GPC6: variants seen among roughly 807,000 people sequenced by gnomAD.
GPC6 encodes glypican 6.
A neutral mutation model predicts 55.2 loss-of-function variants in GPC6; 14 were observed. That is an observed-to-expected ratio of 0.25 (90% confidence interval 0.17 to 0.40). GPC6 has a LOEUF of 0.40. Ranked by LOEUF, GPC6 falls within the 10% of genes least tolerant of loss-of-function variation. The pLI is 1.00. For synonymous variants in GPC6, 278 were observed against 259.6 expected, an observed-to-expected ratio of 1.07 and a Z score of -0.68; for missense variants, 641 against 708.5, an observed-to-expected ratio of 0.90 and a Z score of 1.08.
At chr13:93,860,197 T>C (rs1007229533) in intron 3 of GPC6, among the ~76,000 whole-genome samples, 3 of 151,632 alleles carry the variant, frequency 2.0e-5, no homozygotes, top group Non-Finnish European at 4.4e-5. Flanking sequence ...AAAATTCACC[T>C]CTTTGTCTTA....
chr13:93,349,193 G>A (rs1880535143), intron 1 of GPC6, among the ~76,000 whole-genome samples: 1 of 152,092 alleles, frequency 6.6e-6, no homozygotes, highest in Non-Finnish European at 1.5e-5. Context: ...CATTTGACAA[G>A]TTCTTTGAAT....
intron 1 of GPC6, among the ~76,000 whole-genome samples, chr13:93,248,369 G>C (rs1250346025): frequency 6.8e-6 from 1 of 147,368 alleles, no homozygotes; most frequent in East Asian, 2.0e-4. Flanking sequence ...ATTTTCAAAA[G>C]TATGATCTTA....
At chr13:94,203,116 A>C (rs1889804664) in intron 4 of GPC6, among the ~76,000 whole-genome samples, 1 of 149,902 alleles carries the variant, frequency 6.7e-6, no homozygotes, top group Non-Finnish European at 1.5e-5. Context: ...TTATTATTTC[A>C]CTTATAGTGA....
At chr13:93,343,604 G>T (rs1039971930) in intron 1 of GPC6, among the ~76,000 whole-genome samples, 4 of 152,212 alleles carry the variant, frequency 2.6e-5, no homozygotes, top group East Asian at 1.9e-4. Context: ...ATTACTCAAA[G>T]ATTCCTTTTC....
At position 94,361,635 on chromosome 13, in the gene GPC6, C is replaced by A. The variant is rs143867929; in HGVS notation, c.1153-20779C>A. ...TGAGCTTATAAAGTCCTTTTGTGGA[C>A]AGGCCTTTGGCCAATAACAAGAATC... On this transcript the variant is annotated intron_variant, in intron 6 of 8. Coordinates refer to ENST00000377047, the MANE Select transcript of GPC6 (RefSeq NM_005708.5). 2.3e-3 allele frequency among the ~76,000 whole-genome samples: 357 copies of A among 152,352 alleles called. 4 individuals are homozygous for A. The highest frequency in any genetic ancestry group is 8.1e-3 in the African/African-American group (335 of 41,584).
intron 1 of GPC6, among the ~76,000 whole-genome samples, chr13:93,504,153 A>G (rs1880620207): frequency 6.6e-6 from 1 of 152,136 alleles, no homozygotes; most frequent in Non-Finnish European, 1.5e-5. Context: ...CAACTGAAAA[A>G]CATAACACCT....
intron 4 of GPC6, among the ~76,000 whole-genome samples, chr13:94,239,910 G>A (rs1282199823): frequency 2.0e-5 from 3 of 152,064 alleles, no homozygotes; most frequent in African/African-American, 7.2e-5. Flanking sequence ...TTGTGCAAAG[G>A]AGACTCCTGG....
intron 1 of GPC6, among the ~76,000 whole-genome samples, chr13:93,464,295 T>A (rs1878820371): frequency 6.6e-6 from 1 of 152,216 alleles, no homozygotes; most frequent in Admixed American, 6.5e-5. Flanking sequence ...ATTGATTGGC[T>A]CTTTCTTTGG....
intron 1 of GPC6, among the ~76,000 whole-genome samples, chr13:93,445,539 T>C (rs549122989): frequency 2.6e-4 from 39 of 152,358 alleles, no homozygotes; most frequent in Admixed American, 2.1e-3. Flanking sequence ...AAATGGAGTC[T>C]GTCAACTCTT....
At chr13:93,803,752 TAAAAAA>T (rs923935366) in intron 2 of GPC6, among the ~76,000 whole-genome samples, 1 of 152,140 alleles carries the variant, frequency 6.6e-6, no homozygotes. Context: ...TATTTAGTCA[TAAAAAA>T]GTGAAATACT....
chr13:93,430,862 T>C (rs1877330263), intron 1 of GPC6, among the ~76,000 whole-genome samples: 1 of 152,124 alleles, frequency 6.6e-6, no homozygotes, highest in Non-Finnish European at 1.5e-5. Flanking sequence ...TGAAATGATA[T>C]TGACAGGAAG....
intron 4 of GPC6, among the ~76,000 whole-genome samples, chr13:94,228,945 C>T (rs536237316): frequency 2.0e-5 from 3 of 152,248 alleles, no homozygotes; most frequent in African/African-American, 7.2e-5. Flanking sequence ...AGGAGTGTTT[C>T]AAGAATTGTT....
intron 2 of GPC6, among the ~76,000 whole-genome samples, chr13:93,592,357 T>TAA (rs1422620623): frequency 1.3e-4 from 9 of 69,880 alleles, no homozygotes; most frequent in Admixed American, 3.4e-4. Context: ...GCTATATATG[T>TAA]AAAATATATA....
At chr13:93,691,426 GTATT>G (rs1167599475) in intron 2 of GPC6, among the ~76,000 whole-genome samples, 1 of 148,950 alleles carries the variant, frequency 6.7e-6, no homozygotes, top group Non-Finnish European at 1.5e-5. Context: ...AAACTCCTCT[GTATT>G]TATGAAAGGA....
chr13:93,441,167 G>A (rs1877783672), intron 1 of GPC6, among the ~76,000 whole-genome samples: 1 of 152,150 alleles, frequency 6.6e-6, no homozygotes, highest in African/African-American at 2.4e-5. Context: ...GTGTGCATGT[G>A]TCTTTATAGC....
chr13:93,614,157 C>T (rs146509929), intron 2 of GPC6, among the ~76,000 whole-genome samples: 1 of 152,160 alleles, frequency 6.6e-6, no homozygotes, highest in Admixed American at 6.6e-5. Flanking sequence ...TCACTATTCT[C>T]TACTACCATG....
chr13:93,258,002 ATTAG>A (rs1877011941), intron 1 of GPC6, among the ~76,000 whole-genome samples: 1 of 152,138 alleles, frequency 6.6e-6, no homozygotes, highest in Non-Finnish European at 1.5e-5. Context: ...GTGATAGCTT[ATTAG>A]TTTGATAGAC....
rs903004705 is a variant in GPC6 at position 94,029,484 on chromosome 13, G to T, written c.877+1590G>T. The stretch of plus-strand genomic sequence containing the variant: ...GATCTTAGAAGATTTGGATTTTTTA[G>T]CAAAGACAGAATACCCAACTAATGC... On this transcript the variant is annotated intron_variant, in intron 4 of 8. Coordinates refer to ENST00000377047, the MANE Select transcript of GPC6 (RefSeq NM_005708.5). Among the ~76,000 whole-genome samples the T allele has an allele frequency of 3.3e-5, 5 of 152,184 alleles. No homozygotes were observed. In the South Asian group the frequency reaches 1.0e-3, roughly 32 times the overall value.
chr13:94,342,115 G>C (rs1878071153), intron 6 of GPC6, among the ~76,000 whole-genome samples: 1 of 152,216 alleles, frequency 6.6e-6, no homozygotes, highest in Admixed American at 6.5e-5. Context: ...CCTCCCAGAT[G>C]CTTCTTCTCA....
Sources: gnomAD v4.1 joint callset for allele counts (sites outside exome capture counted in the v4.1 genomes callset) on GRCh38, gnomAD v4.1.1 for gene constraint, MANE v1.5 for transcripts, NCBI Gene and HGNC (gene_info 2026-07-23, HGNC 2026-07-21) for gene names.